The following PPEF2 variants were observed in gnomAD, a reference collection of about 807,000 sequenced individuals.
The protein encoded by PPEF2 is protein phosphatase with EF-hand domain 2.
In PPEF2, 84 loss-of-function variants were observed where a neutral mutation model predicts 84.7. That is an observed-to-expected ratio of 0.99 (90% CI 0.83 to 1.19). The LOEUF (loss-of-function observed/expected upper bound fraction) is 1.19. Among genes scored for constraint, PPEF2 ranks in the 50% most tolerant of loss-of-function variants. The pLI, the probability that PPEF2 is intolerant of heterozygous loss-of-function variation, is 0.00. For synonymous variants in PPEF2, 346 were observed against 345.2 expected (o/e 1.00, Z -0.03); for missense variants, 924 against 937.5 (o/e 0.99, Z 0.19).
chr4:75,898,838 A>G, intron 1 of PPEF2, among the ~76,000 whole-genome samples: 1 of 151,948 alleles, frequency 6.6e-6, no homozygotes, highest in East Asian at 1.9e-4. Flanking sequence ...CACCTTAAAC[A>G]TTTATTATTT....
Position 75,864,469 on chromosome 4 carries a change from A to G in PPEF2, c.1979T>C (p.Ile660Thr), listed in dbSNP as rs774175001. The change falls in exon 16 of 17, where the codon ATT becomes ACT. Residue 660 changes from isoleucine to threonine, a missense_variant. By Grantham distance (89) the Ile-to-Thr change is moderately conservative. Transcript: ENST00000286719. ...LYRNRSNLET[I>T]FRIIDSDHSG... The stretch of plus-strand genomic sequence containing the variant: ...ATGATCACTGTCTATGATCCTAAAA[A>G]TGGTCTCTAGGTTGGATCGGTTTCG... 48 of 1,611,396 alleles carry G rather than the reference A, an allele frequency of 3.0e-5. No homozygotes were observed. The South Asian group carries it at 5.3e-4, about 18-fold the overall frequency.
At chr4:75,869,779 C>A (rs1038433538) in intron 13 of PPEF2, among the ~76,000 whole-genome samples, 14 of 151,766 alleles carry the variant, frequency 9.2e-5, no homozygotes, top group Non-Finnish European at 7.4e-5. Flanking sequence ...ACTAGCAGGT[C>A]GAGGCTGCAG....
In PPEF2 at chr4:75,887,167, T is replaced by C. The variant is rs528027317; in HGVS notation, c.533-269A>G. Among the ~76,000 whole-genome samples, 154 of 152,330 alleles carry C rather than the reference T, an allele frequency of 1.0e-3. 3 individuals carry two copies. In the South Asian group the frequency reaches 0.031, roughly 31 times the overall value. On this transcript the variant is annotated intron_variant, in intron 6 of 16. Transcript: ENST00000286719. ...AAAGATGCGATAGAATAGTGCAAGG[T>C]TGCAAACCTAGATGAGAACTGGAGA... is the stretch of plus-strand genomic sequence containing the variant.
At position 75,889,874 on chromosome 4, in the gene PPEF2, G is replaced by A. The variant is rs546582103; in HGVS notation, c.417+83C>T. 1.3e-3 allele frequency: 1,878 copies of A among 1,462,632 alleles called. 35 individuals carry two copies. In the South Asian group the frequency reaches 0.021, roughly 17 times the overall value. The allele number at this position is 1,462,632 out of a possible 1,614,324, so 90.6% of individuals were successfully genotyped here. A position where few individuals can be genotyped will look rare whatever the true frequency, so the allele number is the denominator to read the frequency against. ...ATGACATGAACACCCTAAATCTGGG[G>A]CCATTCTTTCTGTGCTGGGTTTCGT... On this transcript the variant is annotated intron_variant, in intron 5 of 16. Coordinates refer to ENST00000286719, the MANE Select transcript of PPEF2 (RefSeq NM_006239.3).
intron 2 of PPEF2, among the ~76,000 whole-genome samples, chr4:75,894,373 TAGAG>T (rs138164999): frequency 0.029 from 4,368 of 152,196 alleles, 105 homozygotes; most frequent in Non-Finnish European, 0.045. Context: ...TTAAGGAAAA[TAGAG>T]AGCCTAATAT....
Position 75,883,001 on chromosome 4 carries a change from C to G in PPEF2, c.858G>C (p.Glu286Asp), listed in dbSNP as rs779916948. 1 of 1,614,168 alleles carries G rather than the reference C, an allele frequency of 6.2e-7. No homozygotes were observed. The highest frequency in any genetic ancestry group is 8.5e-7 in the Non-Finnish European group (1 of 1,180,024). The change falls in exon 10 of 17, where the codon GAG becomes GAC. Residue 286 changes from glutamate to aspartate, a missense_variant. By Grantham distance (45) the Glu-to-Asp change is conservative. Transcript: ENST00000286719. ...CCCCACCATGAAGAATTAGAACTTT[C>G]TCATCTATCAGAGTGGCCAGTGGAA... ...CWLPLATLID[E>D]KVLILHGGVS...
At chr4:75,868,290 TG>T in intron 13 of PPEF2, among the ~76,000 whole-genome samples, 1 of 57,048 alleles carries the variant, frequency 1.8e-5, no homozygotes, top group East Asian at 6.0e-4. Flanking sequence ...CACTCCAGCC[TG>T]GGTGAAAAAG....
chr4:75,873,097 A>T, intron 12 of PPEF2, 30 bp downstream of exon 12: 1 of 1,593,944 alleles, frequency 6.3e-7, no homozygotes, highest in Non-Finnish European at 8.6e-7. Context: ...GTGACACACA[A>T]GCCTGTACTG....
At chr4:75,865,834 C>T (rs996328172) in intron 15 of PPEF2, among the ~76,000 whole-genome samples, 3 of 152,106 alleles carry the variant, frequency 2.0e-5, no homozygotes, top group Admixed American at 1.3e-4. Context: ...AGGGTAAGCA[C>T]CATGGTGTTG....
At chr4:75,875,141 G>A (rs1025343681) in intron 11 of PPEF2, among the ~76,000 whole-genome samples, 2 of 151,706 alleles carry the variant, frequency 1.3e-5, no homozygotes, top group African/African-American at 2.4e-5. Context: ...TCCTGACCTC[G>A]TGATCCGCCT....
intron 7 of PPEF2, among the ~76,000 whole-genome samples, chr4:75,885,770 G>A (rs1724704419): frequency 6.6e-6 from 1 of 152,112 alleles, no homozygotes; most frequent in African/African-American, 2.4e-5. Context: ...CAGCACTTTG[G>A]GAGGCTGAGG....
chr4:75,876,756 A>G, intron 10 of PPEF2, 83 bp from the exon 11 acceptor site: 2 of 1,428,400 alleles, frequency 1.4e-6, no homozygotes, highest in South Asian at 1.5e-5. Context: ...CTGTAATCCT[A>G]GAACTTTGGG....
At chr4:75,891,402 A>G (rs1724878437) in intron 4 of PPEF2, among the ~76,000 whole-genome samples, 1 of 150,240 alleles carries the variant, frequency 6.7e-6, no homozygotes, top group African/African-American at 2.5e-5. Context: ...TCCCTTCCCC[A>G]CTCCCTCCCA....
At chr4:75,867,985 C>G (rs2047977) in intron 13 of PPEF2, among the ~76,000 whole-genome samples, 150,941 of 152,246 alleles carry the variant, frequency 0.99, 74,838 homozygotes, top group Middle Eastern at 1. Flanking sequence ...AAAGTAAGTG[C>G]TCAATAAATA....
In PPEF2 at chr4:75,859,934, G is replaced by C. The variant is rs1322735237; in HGVS notation, c.*733C>G. ...AACATAAAATTATATAAACACTACA[G>C]TAACAAGTAAGAAAAAGTAAATAAT... On this transcript the variant is annotated 3_prime_UTR_variant, in exon 17 of 17. Coordinates refer to ENST00000286719, the MANE Select transcript of PPEF2 (RefSeq NM_006239.3). 1.3e-5 allele frequency: 2 copies of C among 152,078 alleles called. No individual in the cohort carries two copies. Among genetic ancestry groups the C allele is most frequent in the African/African-American group, 4.8e-5 (2 of 41,408 alleles). 9.4% of individuals were successfully genotyped at this position (152,078 alleles called of 1,614,324 possible).
Position 75,864,020 on chromosome 4 carries a change from G to A in PPEF2, c.2008+420C>T, listed in dbSNP as rs115287971. On this transcript the variant is annotated intron_variant, in intron 16 of 16. Coordinates refer to ENST00000286719, the MANE Select transcript of PPEF2 (RefSeq NM_006239.3). ...CCCAAGTACCTGGGATTACGGACATGTGCCACCATGCCCGCCTAATTTTTG... is the reference window on the plus strand; with the variant it reads ...CCCAAGTACCTGGGATTACGGACATATGCCACCATGCCCGCCTAATTTTTG... 9.5e-3 allele frequency among the ~76,000 whole-genome samples: 1,436 copies of A among 151,694 alleles called. 27 individuals are homozygous for A. The highest frequency in any genetic ancestry group is 0.033 in the African/African-American group (1,377 of 41,362).
In PPEF2 at chr4:75,876,427, C is replaced by A; in HGVS notation, c.1180G>T (p.Val394Leu). The A allele has an allele frequency of 1.2e-6, 2 of 1,614,092 alleles. No homozygotes were observed. The highest frequency in any genetic ancestry group is 1.7e-6 in the Non-Finnish European group (2 of 1,180,036). The change falls in exon 11 of 17, where the codon GTG becomes TTG. Residue 394 changes from valine to leucine, a missense_variant. Coordinates refer to ENST00000286719, the MANE Select transcript of PPEF2 (RefSeq NM_006239.3). ...RELSRQVRSS[V>L]ELELERCRQQ... Reference sequence around the variant, plus strand: ...CGGCACCGCTCTAGCTCCAGTTCCACGGAGCTCCGCACCTGCCGGGAGAGC... The same window carrying A: ...CGGCACCGCTCTAGCTCCAGTTCCAAGGAGCTCCGCACCTGCCGGGAGAGC...
At chr4:75,868,396 A>G (rs1213347739) in intron 13 of PPEF2, among the ~76,000 whole-genome samples, 1 of 151,772 alleles carries the variant, frequency 6.6e-6, no homozygotes, top group Non-Finnish European at 1.5e-5. Context: ...GGAACCAATC[A>G]TTCTATAAAT....
chr4:75,882,930 C>T lies in PPEF2; in HGVS notation c.929G>A (p.Ser310Asn), dbSNP rs761786731. 1.2e-6 allele frequency: 2 copies of T among 1,610,022 alleles called. No individual in the cohort carries two copies. Among genetic ancestry groups the T allele is most frequent in the East Asian group, 4.5e-5 (2 of 44,826 alleles). The change falls in exon 10 of 17, where the codon AGC (serine) becomes AAC (asparagine). Residue 310 changes from serine (S) to asparagine (N), a missense_variant. Ser to Asn is a conservative substitution (Grantham distance 46). Transcript: ENST00000286719. ...DLELLDKIERSKIVSTMRCKT... is the reference protein window; with the variant it reads ...DLELLDKIERNKIVSTMRCKT... ...TATTATTTCATTAACCACTACCTTG[C>T]TCCTCTCTATTTTGTCCAAAAGCTC...
Sources: allele counts gnomAD v4.1 joint callset (sites outside exome capture counted in the v4.1 genomes callset), GRCh38; gene constraint gnomAD v4.1.1; transcripts MANE v1.5; gene names NCBI Gene and HGNC (gene_info 2026-07-23, HGNC 2026-07-21).